DKK2: variants seen among roughly 807,000 people sequenced by gnomAD.
DKK2 encodes the protein dickkopf-related protein 2.
In DKK2, 11 loss-of-function variants were observed where a neutral mutation model predicts 28.1. That is an observed-to-expected ratio of 0.39 (90% CI 0.25 to 0.65). DKK2 has a LOEUF of 0.65. Ranked by LOEUF, DKK2 falls within the 30% of genes least tolerant of loss-of-function variation. The pLI is 0.47. For missense variants in DKK2, 326 were observed against 335.5 expected (o/e 0.97, Z 0.22); for synonymous variants, 135 against 126.5 (o/e 1.07, Z -0.45).
intron 1 of DKK2, among the ~76,000 whole-genome samples, chr4:107,002,084 G>A (rs567015951): frequency 1.3e-5 from 2 of 152,214 alleles, no homozygotes; most frequent in East Asian, 3.9e-4. Flanking sequence ...TTAATTTTTT[G>A]CACTTTGGTA....
chr4:106,991,779 C>T (rs1179806888), intron 1 of DKK2, among the ~76,000 whole-genome samples: 1 of 152,138 alleles, frequency 6.6e-6, no homozygotes, highest in Non-Finnish European at 1.5e-5. Flanking sequence ...TTAATTATCT[C>T]TATTTTTCCA....
intron 1 of DKK2, among the ~76,000 whole-genome samples, chr4:107,019,275 C>T (rs1723657871): frequency 1.3e-5 from 2 of 152,030 alleles, no homozygotes; most frequent in Non-Finnish European, 2.9e-5. Flanking sequence ...CAACACTGTC[C>T]TGTATTAAAA....
At chr4:106,993,809 G>T (rs536308723) in intron 1 of DKK2, among the ~76,000 whole-genome samples, 1 of 152,116 alleles carries the variant, frequency 6.6e-6, no homozygotes, top group Non-Finnish European at 1.5e-5. Context: ...TCCAGTGGTC[G>T]GAAGCTGCGG....
At chr4:106,945,756 G>A (rs1343444647) in intron 1 of DKK2, among the ~76,000 whole-genome samples, 3 of 152,110 alleles carry the variant, frequency 2.0e-5, no homozygotes, top group Admixed American at 6.6e-5. Flanking sequence ...TGTTTCCAGT[G>A]ATAGAGCAAT....
rs1346796066 is a variant in DKK2 at position 106,973,951 on chromosome 4, T to C, written c.223-48002A>G. Among the ~76,000 whole-genome samples, 4 of 152,246 alleles carry C rather than the reference T, an allele frequency of 2.6e-5. No individual in the cohort carries two copies. In the East Asian group the frequency reaches 7.7e-4, roughly 29 times the overall value. The stretch of plus-strand genomic sequence containing the variant: ...AGGGGTCCGGTTTCAGTTTTCTGCA[T>C]ATGGCTAGCCAGTTTCCCAACACCA... On this transcript the variant is annotated intron_variant, in intron 1 of 3. Transcript: ENST00000285311.
At chr4:106,986,055 G>A (rs1329225412) in intron 1 of DKK2, among the ~76,000 whole-genome samples, 9 of 152,098 alleles carry the variant, frequency 5.9e-5, no homozygotes, top group Non-Finnish European at 1.2e-4. Context: ...CTCTTGGGAA[G>A]CGTGGTTATT....
intron 1 of DKK2, among the ~76,000 whole-genome samples, chr4:107,004,962 A>G (rs2110366583): frequency 6.6e-6 from 1 of 152,278 alleles, no homozygotes; most frequent in African/African-American, 2.4e-5. Flanking sequence ...TGGAAAACAT[A>G]AGGAAATGAA....
intron 1 of DKK2, among the ~76,000 whole-genome samples, chr4:107,030,343 C>A (rs1220804149): frequency 6.6e-6 from 1 of 151,980 alleles, no homozygotes; most frequent in African/African-American, 2.4e-5. Context: ...AATAGTAATA[C>A]TAAATTTTTC....
intron 1 of DKK2, among the ~76,000 whole-genome samples, chr4:106,945,243 C>T (rs1286098513): frequency 6.6e-6 from 1 of 152,034 alleles, no homozygotes; most frequent in African/African-American, 2.4e-5. Flanking sequence ...CATTGAAAGC[C>T]ATTTACAACT....
Position 106,923,663 on chromosome 4 carries a change from A to G in DKK2, c.*291T>C, listed in dbSNP as rs1029626296. On this transcript the variant is annotated 3_prime_UTR_variant, in exon 4 of 4. Coordinates refer to ENST00000285311, the MANE Select transcript of DKK2 (RefSeq NM_014421.3). ...ACTCTTGGAAAGTCACATGCTACTC[A>G]TCAGTAATTTCCACTGTGTGCTTGT... is the stretch of plus-strand genomic sequence containing the variant. The G allele has an allele frequency of 9.8e-5, 33 of 337,992 alleles. No individual in the cohort carries two copies. The highest frequency in any genetic ancestry group is 1.8e-4 in the Admixed American group (4 of 22,660). The allele number at this position is 337,992 out of a possible 1,614,324, so 20.9% of individuals were successfully genotyped here.
At chr4:106,969,969 A>G (rs913880657) in intron 1 of DKK2, among the ~76,000 whole-genome samples, 2 of 152,124 alleles carry the variant, frequency 1.3e-5, no homozygotes, top group African/African-American at 4.8e-5. Context: ...TTTCAGGGAT[A>G]TTATGAGTTA....
chr4:107,005,198 G>A (rs1273554437), intron 1 of DKK2, among the ~76,000 whole-genome samples: 1 of 151,932 alleles, frequency 6.6e-6, no homozygotes, highest in Non-Finnish European at 1.5e-5. Context: ...AAAATTAGCT[G>A]GGCGTGGTGG....
intron 1 of DKK2, among the ~76,000 whole-genome samples, chr4:106,966,189 G>T (rs1011874116): frequency 2.0e-5 from 3 of 152,170 alleles, no homozygotes; most frequent in African/African-American, 7.2e-5. Context: ...TAATAAGTCA[G>T]TGATAATTAA....
At chr4:106,999,299 AACATATACAT>A (rs1268844646) in intron 1 of DKK2, among the ~76,000 whole-genome samples, 3 of 152,234 alleles carry the variant, frequency 2.0e-5, no homozygotes, top group African/African-American at 7.2e-5. Context: ...AAATCTGTAT[AACATATACAT>A]ATATGTACAT....
rs186358355 is a variant in DKK2, at chr4:106,994,454, T to G, written c.222+40916A>C. On this transcript the variant is annotated intron_variant, in intron 1 of 3. Transcript: ENST00000285311. The stretch of plus-strand genomic sequence containing the variant: ...CTGTCTCTCTCGCTCTCTTTTCCTA[T>G]CTCTCTCTTTCTCTCTCTCACACAC... Among the ~76,000 whole-genome samples, 3 of 147,622 alleles carry G rather than the reference T, an allele frequency of 2.0e-5. No individual in the cohort carries two copies. The East Asian group carries it at 5.9e-4, about 29-fold the overall frequency.
At chr4:107,030,008 T>C (rs1723852253) in intron 1 of DKK2, among the ~76,000 whole-genome samples, 2 of 152,100 alleles carry the variant, frequency 1.3e-5, no homozygotes, top group Non-Finnish European at 2.9e-5. Flanking sequence ...TTATTCAGGT[T>C]CCCAAAATAT....
chr4:106,949,879 T>A (rs1724833949), intron 1 of DKK2, among the ~76,000 whole-genome samples: 1 of 152,170 alleles, frequency 6.6e-6, no homozygotes, highest in Non-Finnish European at 1.5e-5. Context: ...AGAACATTTG[T>A]TAAATATGAA....
rs142729608 is a variant in DKK2, at chr4:107,033,467, A to G, written c.222+1903T>C. 9.2e-5 allele frequency among the ~76,000 whole-genome samples: 14 copies of G among 152,322 alleles called. No homozygotes were observed. In the East Asian group the frequency reaches 2.7e-3, roughly 29 times the overall value. Reference sequence around the variant, plus strand: ...ATATACAGATACAGTATTAAAACATAAAGAAGAAGCTAGGTTCTGGGATGC... The same window carrying G: ...ATATACAGATACAGTATTAAAACATGAAGAAGAAGCTAGGTTCTGGGATGC... On this transcript the variant is annotated intron_variant, in intron 1 of 3. Transcript: ENST00000285311.
At chr4:107,003,147 C>T (rs943737919) in intron 1 of DKK2, among the ~76,000 whole-genome samples, 5 of 152,098 alleles carry the variant, frequency 3.3e-5, no homozygotes, top group African/African-American at 1.2e-4. Flanking sequence ...CTTAGTTTTT[C>T]GTGGTTTACT....
Sources: gnomAD v4.1 joint callset for allele counts (sites outside exome capture counted in the v4.1 genomes callset) on GRCh38, gnomAD v4.1.1 for gene constraint, MANE v1.5 for transcripts, NCBI Gene and HGNC (gene_info 2026-07-23, HGNC 2026-07-21) for gene names.